Variants in CA10 observed in about 807,000 individuals in gnomAD.
The protein encoded by CA10 is carbonic anhydrase-related protein 10.
Under a neutral mutation model 44.2 loss-of-function variants are expected in CA10, and 14 were observed. The observed-to-expected ratio is 0.32, with a 90% CI of 0.21 to 0.50. The LOEUF (loss-of-function observed/expected upper bound fraction) is 0.50, where lower values mean the gene tolerates loss of function less well. Ranked by LOEUF, CA10 falls within the 20% of genes least tolerant of loss-of-function variation. The probability of loss-of-function intolerance (pLI) is 0.99; values close to 1 mark genes in which losing one functional copy is unlikely to be tolerated. For synonymous variants in CA10, 159 were observed against 141.6 expected, an observed-to-expected ratio of 1.12 and a Z score of -0.87; for missense variants, 350 against 409.7, an observed-to-expected ratio of 0.85 and a Z score of 1.26.
intron 2 of CA10, among the ~76,000 whole-genome samples, chr17:51,984,486 G>GA (rs1012630938): frequency 6.6e-6 from 1 of 151,090 alleles, no homozygotes; most frequent in South Asian, 2.1e-4. Flanking sequence ...AAACCCAACA[G>GA]AAAAAAGGAA....
At chr17:52,070,917 T>C in intron 2 of CA10, among the ~76,000 whole-genome samples, 1 of 152,228 alleles carries the variant, frequency 6.6e-6, no homozygotes, top group East Asian at 1.9e-4. Context: ...AGACTTCTTA[T>C]TACCTGGAGA....
At chr17:52,005,505 C>A (rs1333380365) in intron 2 of CA10, among the ~76,000 whole-genome samples, 3 of 151,886 alleles carry the variant, frequency 2.0e-5, no homozygotes, top group Non-Finnish European at 4.4e-5. Context: ...TTATACTCAT[C>A]ACACAATATG....
Position 52,139,074 on chromosome 17 carries a change from C to T in CA10, c.61+18652G>A, listed in dbSNP as rs919847075. Among the ~76,000 whole-genome samples the T allele has an allele frequency of 3.3e-5, 5 of 152,244 alleles. No homozygotes were observed. In the East Asian group the frequency reaches 7.7e-4, roughly 24 times the overall value. On this transcript the variant is annotated intron_variant, in intron 1 of 8. Transcript: ENST00000451037. ...ATTCAAACTAGGAGTTGGTAAATTG[C>T]GCTGTTCTTTATAATACCCGGTGTA... is the stretch of plus-strand genomic sequence containing the variant.
intron 3 of CA10, among the ~76,000 whole-genome samples, chr17:51,921,368 C>A (rs1982224866): frequency 6.6e-6 from 1 of 152,154 alleles, no homozygotes. Context: ...GAATTGAAGT[C>A]TGGCCAAAGT....
chr17:51,948,958 T>C (rs1983383791), intron 2 of CA10, among the ~76,000 whole-genome samples: 1 of 152,180 alleles, frequency 6.6e-6, no homozygotes, highest in East Asian at 1.9e-4. Flanking sequence ...ATGTCCATAA[T>C]ATATTGAGTG....
chr17:51,867,621 C>T (rs553112758), intron 3 of CA10, among the ~76,000 whole-genome samples: 25 of 152,300 alleles, frequency 1.6e-4, no homozygotes, highest in African/African-American at 6.0e-4. Flanking sequence ...AACCAACCAA[C>T]CCCAAGCAAA....
intron 4 of CA10, among the ~76,000 whole-genome samples, chr17:51,657,779 A>G (rs940928076): frequency 8.5e-5 from 13 of 152,190 alleles, no homozygotes; most frequent in Non-Finnish European, 1.9e-4. Flanking sequence ...TCAATAAGTG[A>G]TTGTTCAACT....
intron 2 of CA10, among the ~76,000 whole-genome samples, chr17:51,985,876 A>G (rs991323263): frequency 6.6e-5 from 10 of 152,024 alleles, no homozygotes; most frequent in Non-Finnish European, 1.5e-4. Context: ...AAATGAAAAC[A>G]TATCCCATAC....
intron 3 of CA10, among the ~76,000 whole-genome samples, chr17:51,874,946 T>C (rs1357268120): frequency 6.1e-5 from 1 of 16,488 alleles, no homozygotes; most frequent in African/African-American, 2.3e-4. Flanking sequence ...GATGTTTTTC[T>C]TCTGTTTTTT....
chr17:52,005,663 A>T (rs1379742496), intron 2 of CA10, among the ~76,000 whole-genome samples: 1 of 151,928 alleles, frequency 6.6e-6, no homozygotes, highest in Non-Finnish European at 1.5e-5. Context: ...CAGGGGAGCT[A>T]TTGGGGTTTT....
At chr17:52,076,121 C>A (rs1987811958) in intron 1 of CA10, among the ~76,000 whole-genome samples, 1 of 152,128 alleles carries the variant, frequency 6.6e-6, no homozygotes, top group South Asian at 2.1e-4. Context: ...CATTCCTAGT[C>A]CCTCTTTTTA....
intron 4 of CA10, among the ~76,000 whole-genome samples, chr17:51,733,101 C>T (rs1299685473): frequency 2.6e-5 from 4 of 152,130 alleles, no homozygotes; most frequent in Admixed American, 1.3e-4. Context: ...CCTAAGATGC[C>T]GTCAGGAACT....
At chr17:52,079,029 G>A (rs1403511232) in intron 1 of CA10, among the ~76,000 whole-genome samples, 3 of 152,150 alleles carry the variant, frequency 2.0e-5, no homozygotes, top group South Asian at 4.1e-4. Context: ...GCTTACTCCT[G>A]TAATCCCAGC....
intron 2 of CA10, among the ~76,000 whole-genome samples, chr17:52,016,057 TG>T (rs2144144398): frequency 6.6e-6 from 1 of 151,878 alleles, no homozygotes; most frequent in African/African-American, 2.4e-5. Flanking sequence ...TGGAGAAGGG[TG>T]GGATGGATGG....
At chr17:51,758,543 C>T (rs1356779225) in intron 3 of CA10, among the ~76,000 whole-genome samples, 5 of 152,264 alleles carry the variant, frequency 3.3e-5, no homozygotes, top group East Asian at 1.9e-4. Flanking sequence ...TAGTCATTGG[C>T]GCTGAAGCCC....
At chr17:51,634,518 C>A (rs937925190) in intron 7 of CA10, among the ~76,000 whole-genome samples, 3 of 152,124 alleles carry the variant, frequency 2.0e-5, no homozygotes, top group Non-Finnish European at 4.4e-5. Flanking sequence ...AGAGCTGGAG[C>A]AAACTCATGT....
intron 1 of CA10, among the ~76,000 whole-genome samples, chr17:52,107,549 C>A (rs1988687222): frequency 6.6e-6 from 1 of 151,980 alleles, no homozygotes; most frequent in Non-Finnish European, 1.5e-5. Context: ...TTTTTATTAT[C>A]TAGAACATAG....
In CA10 at chr17:51,633,463, C is replaced by A. The variant is rs372338598; in HGVS notation, c.964+13G>T. Reference sequence around the variant, plus strand: ...TAGCCTAGATCCTCCACTCTCTGAGCCACCAAACCCACCTCTATACTGAAG... The same window carrying A: ...TAGCCTAGATCCTCCACTCTCTGAGACACCAAACCCACCTCTATACTGAAG... On this transcript the variant is annotated intron_variant, in intron 8 of 8. Coordinates refer to ENST00000451037, the MANE Select transcript of CA10 (RefSeq NM_020178.5). The A allele has an allele frequency of 7.1e-4, 1,149 of 1,607,014 alleles. 3 individuals carry two copies. The highest frequency in any genetic ancestry group is 8.5e-4 in the Non-Finnish European group (1,003 of 1,175,774).
intron 3 of CA10, among the ~76,000 whole-genome samples, chr17:51,838,277 C>T (rs543123349): frequency 6.6e-6 from 1 of 152,216 alleles, no homozygotes; most frequent in Admixed American, 6.5e-5. Context: ...ACCATCTTGC[C>T]TGAGTCTCAG....
Sources: gnomAD v4.1 joint callset for allele counts (sites outside exome capture counted in the v4.1 genomes callset) on GRCh38, gnomAD v4.1.1 for gene constraint, MANE v1.5 for transcripts, NCBI Gene and HGNC (gene_info 2026-07-23, HGNC 2026-07-21) for gene names.